The following SGCD variants were observed in gnomAD, a reference collection of about 807,000 sequenced individuals.
SGCD encodes sarcoglycan delta.
Under a neutral mutation model 36.6 loss-of-function variants are expected in SGCD, and 18 were observed. The ratio of observed to expected loss-of-function variants is 0.49; its 90% confidence interval spans 0.34 to 0.73. SGCD has a LOEUF of 0.73. Among genes scored for constraint, SGCD ranks in the 30% least tolerant of loss-of-function variants. The probability of loss-of-function intolerance (pLI) is 0.01; values close to 1 mark genes in which losing one functional copy is unlikely to be tolerated. For missense variants in SGCD, 387 were observed against 346.7 expected (o/e 1.12, Z -0.92); for synonymous variants, 133 against 130.6 (o/e 1.02, Z -0.12).
intron 6 of SGCD, among the ~76,000 whole-genome samples, chr5:156,609,232 C>T (rs868172760): frequency 6.6e-6 from 1 of 152,042 alleles, no homozygotes; most frequent in Middle Eastern, 3.2e-3. Context: ...TGTTTTAGGG[C>T]AGGCCTGGTG....
intron 5 of SGCD, among the ~76,000 whole-genome samples, chr5:156,591,450 G>A (rs528805605): frequency 1.3e-5 from 2 of 152,302 alleles, no homozygotes; most frequent in Admixed American, 6.5e-5. Flanking sequence ...GGGTCTGAAT[G>A]GGGAACCCTC....
chr5:156,389,539 A>G (rs992623725), intron 3 of SGCD, among the ~76,000 whole-genome samples: 3 of 152,300 alleles, frequency 2.0e-5, no homozygotes, highest in Non-Finnish European at 2.9e-5. Context: ...CATGGAAGAC[A>G]GTTTTTCCAT....
intron 6 of SGCD, among the ~76,000 whole-genome samples, chr5:156,634,705 G>A (rs1022239624): frequency 1.3e-5 from 2 of 152,042 alleles, no homozygotes; most frequent in African/African-American, 2.4e-5. Context: ...GATACATGAC[G>A]CATGTATTTG....
At chr5:156,678,652 A>G (rs546429379) in intron 7 of SGCD, among the ~76,000 whole-genome samples, 2 of 152,300 alleles carry the variant, frequency 1.3e-5, no homozygotes, top group East Asian at 1.9e-4. Context: ...TCAGTGAATC[A>G]TTGTTTGTCT....
chr5:156,108,973 A>C (rs1340331552), intron 1 of SGCD, among the ~76,000 whole-genome samples: 1 of 152,206 alleles, frequency 6.6e-6, no homozygotes, highest in Admixed American at 6.5e-5. Flanking sequence ...ACAAACAGTG[A>C]GTATAGGCCG....
intron 1 of SGCD, among the ~76,000 whole-genome samples, chr5:155,972,711 C>T (rs966696217): frequency 1.1e-4 from 16 of 152,070 alleles, no homozygotes; most frequent in African/African-American, 3.1e-4. Context: ...TGTCTGTTTC[C>T]CTACACTCCA....
rs916418618 is a variant in SGCD, at chr5:156,077,804, C to T, written c.-281-40074C>T. Among the ~76,000 whole-genome samples, 11 of 152,264 alleles carry T rather than the reference C, an allele frequency of 7.2e-5. No individual in the cohort carries two copies. The East Asian group carries it at 1.2e-3, about 16-fold the overall frequency. ...ACACTACTGTGTACTCAGGCACTCC[C>T]GGCAAGGTCGGTTTCTGCTCCTGGA... On this transcript the variant is annotated intron_variant, in intron 1 of 9. Coordinates refer to the SGCD transcript ENST00000517913.
intron 1 of SGCD, among the ~76,000 whole-genome samples, chr5:155,906,149 T>C (rs553251317): frequency 1.6e-4 from 25 of 152,264 alleles, no homozygotes; most frequent in African/African-American, 6.0e-4. Context: ...ATGCTATTAA[T>C]GTAAGTGTTT....
At chr5:156,296,536 A>C (rs1308481087) in intron 3 of SGCD, among the ~76,000 whole-genome samples, 1 of 151,996 alleles carries the variant, frequency 6.6e-6, no homozygotes, top group Non-Finnish European at 1.5e-5. Context: ...CTTGTGATTT[A>C]CTCTTTCATC....
intron 1 of SGCD, among the ~76,000 whole-genome samples, chr5:156,035,243 T>A (rs1209383530): frequency 6.6e-6 from 1 of 152,192 alleles, no homozygotes; most frequent in Non-Finnish European, 1.5e-5. Flanking sequence ...AATTCTACCA[T>A]CTACTCGTGC....
At chr5:155,812,859 A>G in the SGCD span, among the ~76,000 whole-genome samples, 1 of 152,162 alleles carries the variant, frequency 6.6e-6, no homozygotes, top group African/African-American at 2.4e-5. Context: ...TATCATTACC[A>G]TAGTTCTAGT....
intron 7 of SGCD, among the ~76,000 whole-genome samples, chr5:156,720,171 T>C (rs976191516): frequency 3.3e-5 from 5 of 152,146 alleles, no homozygotes; most frequent in African/African-American, 1.2e-4. Flanking sequence ...CAATGAACAG[T>C]CACCGAGCAT....
At chr5:156,725,443 T>C (rs1235021368) in intron 7 of SGCD, among the ~76,000 whole-genome samples, 1 of 152,198 alleles carries the variant, frequency 6.6e-6, no homozygotes, top group Non-Finnish European at 1.5e-5. Flanking sequence ...ACAAGACTAC[T>C]TCAGCCAGCT....
chr5:155,990,864 A>G (rs1470494555), intron 1 of SGCD, among the ~76,000 whole-genome samples: 1 of 152,166 alleles, frequency 6.6e-6, no homozygotes, highest in Non-Finnish European at 1.5e-5. Context: ...CTGGGTTTCA[A>G]CCCTGGGTCT....
chr5:155,749,726 A>G, the SGCD span, among the ~76,000 whole-genome samples: 15 of 152,314 alleles, frequency 9.8e-5, no homozygotes, highest in Non-Finnish European at 2.9e-5. Context: ...CATGAATGGA[A>G]GTAAGTTCTT....
intron 3 of SGCD, among the ~76,000 whole-genome samples, chr5:156,184,999 G>C (rs1438233487): frequency 6.6e-6 from 1 of 152,050 alleles, no homozygotes; most frequent in East Asian, 1.9e-4. Flanking sequence ...GCCCCATTAT[G>C]AGCCTTCAAA....
At position 156,029,947 on chromosome 5, in the gene SGCD, T is replaced by A. The variant is rs75948001; in HGVS notation, c.-281-87931T>A. 2.7e-4 allele frequency among the ~76,000 whole-genome samples: 41 copies of A among 152,262 alleles called. No homozygotes were observed. The East Asian group carries it at 7.9e-3, about 29-fold the overall frequency. ...CAGCCTTTCTTCCCCCAGAAAGCCT[T>A]CGCCAAGCCCTCCAGCCCTCATAAA... On this transcript the variant is annotated intron_variant, in intron 1 of 9. Coordinates refer to the SGCD transcript ENST00000517913.
intron 4 of SGCD, among the ~76,000 whole-genome samples, chr5:156,543,168 G>T (rs1466739041): frequency 6.6e-6 from 1 of 152,176 alleles, no homozygotes; most frequent in Non-Finnish European, 1.5e-5. Flanking sequence ...TGGGCTGAAA[G>T]TTTCTTTATT....
intron 3 of SGCD, among the ~76,000 whole-genome samples, chr5:156,234,797 C>T (rs1765114452): frequency 6.6e-6 from 1 of 152,154 alleles, no homozygotes; most frequent in East Asian, 1.9e-4. Flanking sequence ...CATAATACTA[C>T]TGCATGGGAT....
Sources: gnomAD v4.1 joint callset for allele counts (sites outside exome capture counted in the v4.1 genomes callset) on GRCh38, gnomAD v4.1.1 for gene constraint, MANE v1.5 for transcripts, NCBI Gene and HGNC (gene_info 2026-07-23, HGNC 2026-07-21) for gene names.